The following SPTBN2 variants were observed in gnomAD, a reference collection of about 807,000 sequenced individuals.
SPTBN2 encodes spectrin beta chain, non-erythrocytic 2.
A neutral mutation model predicts 284.2 loss-of-function variants in SPTBN2; 107 were observed. The observed-to-expected ratio is 0.38, with a 90% CI of 0.32 to 0.44. The LOEUF is 0.44. SPTBN2 is among the 20% of genes least tolerant of loss of function. The pLI is 1.00. For synonymous variants in SPTBN2, 1,289 were observed against 1,354.8 expected (o/e 0.95, Z 1.07); for missense variants, 2,569 against 3,287.1 (o/e 0.78, Z 5.34).
chr11:66,715,405 G>T lies in SPTBN2; in HGVS notation c.310-10C>A, dbSNP rs1942090230. 2 of 1,607,108 alleles carry T rather than the reference G, an allele frequency of 1.2e-6. No individual in the cohort carries two copies. Among genetic ancestry groups the T allele is most frequent in the Non-Finnish European group, 1.7e-6 (2 of 1,174,684 alleles). On this transcript the variant is annotated splice_polypyrimidine_tract_variant and intron_variant, in intron 4 of 37. Transcript: ENST00000533211. The surrounding 1 kb of genome is among the most constrained non-coding windows in gnomAD (Gnocchi z 5.3). ...CCTTTGTAGGCTTTGGCTGTGGAGG[G>T]ACGGGGGCAAAATGGCACGGGACTG...
In SPTBN2 at chr11:66,718,522, G is replaced by GC. The variant is rs1042267959; in HGVS notation, c.158-2542dup. 4.6e-5 allele frequency among the ~76,000 whole-genome samples: 7 copies of GC among 152,202 alleles called. No individual in the cohort carries two copies. Among genetic ancestry groups the GC allele is most frequent in the African/African-American group, 1.4e-4 (6 of 41,448 alleles). On this transcript the variant is annotated intron_variant, in intron 3 of 37. Transcript: ENST00000533211. This position sits in a 1 kb window ranked among gnomAD's most constrained non-coding sequence, Gnocchi z 4.8. ...TGAAAGCAGCTGGTGAAAGCAGGAGGCCCCCGGGGTTGTGGGCCCCTTCCA... is the reference window on the plus strand; with the variant it reads ...TGAAAGCAGCTGGTGAAAGCAGGAGGCCCCCCGGGGTTGTGGGCCCCTTCCA...
At chr11:66,699,646 G>C in intron 17 of SPTBN2, 38 bp from the exon 18 acceptor site, 4 of 1,609,264 alleles carry the variant, frequency 2.5e-6, no homozygotes, top group Non-Finnish European at 3.4e-6. Flanking sequence ...ATTTTCCCCA[G>C]CACAATTCAC....
At chr11:66,744,257 A>G (rs747628166) in intron 1 of SPTBN2, among the ~76,000 whole-genome samples, 1 of 152,226 alleles carries the variant, frequency 6.6e-6, no homozygotes. Flanking sequence ...TTCGCTGTCT[A>G]TATGAAATTC....
rs1442312358 is a variant in SPTBN2 at position 66,691,741 on chromosome 11, A to G, written c.5191-83T>C. 6.3e-7 allele frequency: 1 copy of G among 1,596,728 alleles called. No homozygotes were observed. Among genetic ancestry groups the G allele is most frequent in the Non-Finnish European group, 8.5e-7 (1 of 1,174,234 alleles). On this transcript the variant is annotated intron_variant, in intron 26 of 37. Coordinates refer to ENST00000533211, the MANE Select transcript of SPTBN2 (RefSeq NM_006946.4). This position sits in a 1 kb window ranked among gnomAD's most constrained non-coding sequence, Gnocchi z 8.0. Reference sequence around the variant, plus strand: ...CCTGATGGAGCGAGTCCTCCACTCCAAACTCAGAACCCACCTCTCCCCGCT... The same window carrying G: ...CCTGATGGAGCGAGTCCTCCACTCCGAACTCAGAACCCACCTCTCCCCGCT...
intron 21 of SPTBN2, among the ~76,000 whole-genome samples, chr11:66,695,926 G>A (rs756245770): frequency 4.6e-5 from 7 of 151,962 alleles, no homozygotes; most frequent in Non-Finnish European, 2.9e-5. Context: ...TAGTAGAGAC[G>A]GGGTTTCACC....
At chr11:66,723,296 T>G (rs1039914281) in intron 1 of SPTBN2, among the ~76,000 whole-genome samples, 12 of 152,152 alleles carry the variant, frequency 7.9e-5, no homozygotes, top group Non-Finnish European at 1.8e-4. Context: ...GTCTGTAACT[T>G]TAACAAAACC....
Position 66,685,924 on chromosome 11 carries a change from C to T in SPTBN2, c.7120G>A (p.Gly2374Ser), listed in dbSNP as rs866945292. The change falls in exon 38 of 38, where the codon GGC (glycine) becomes AGC (serine). Residue 2374 changes from glycine to serine, a missense_variant. Physicochemically the swap from Gly to Ser is moderately conservative, Grantham distance 56. Around this residue, in one of 6 missense-constraint regions of SPTBN2, gnomAD observed 1,130 missense variants for 1,317.3 expected, o/e 0.86. Coordinates refer to ENST00000533211, the MANE Select transcript of SPTBN2 (RefSeq NM_006946.4). The surrounding 1 kb of genome is among the most constrained non-coding windows in gnomAD (Gnocchi z 4.4). ...CGTTTTTCTCGCTCTCGTTCTCTGC[C>T]GTCTTTGCTGCGGAGCACAACAGGC... ...EGPVVLRSKD[G>S]REREREKRFS... The T allele has an allele frequency of 8.7e-6, 14 of 1,613,838 alleles. No homozygotes were observed. Among genetic ancestry groups the T allele is most frequent in the African/African-American group, 6.7e-5 (5 of 74,922 alleles).
In SPTBN2 at chr11:66,685,671, G is replaced by A; in HGVS notation, c.*200C>T. Reference sequence around the variant, plus strand: ...GGGGGTTACCTGGGTCCCACCACCAGTCTGGAATTAAACAGCAGAAGAGAA... The same window carrying A: ...GGGGGTTACCTGGGTCCCACCACCAATCTGGAATTAAACAGCAGAAGAGAA... On this transcript the variant is annotated 3_prime_UTR_variant, in exon 38 of 38. Transcript: ENST00000533211. The surrounding 1 kb of genome is among the most constrained non-coding windows in gnomAD (Gnocchi z 4.4). The A allele has an allele frequency of 5.0e-6, 3 of 604,968 alleles. No homozygotes were observed. In the South Asian group the frequency reaches 5.6e-5, roughly 11 times the overall value. 37.5% of individuals were successfully genotyped at this position (604,968 alleles called of 1,614,324 possible).
intron 31 of SPTBN2, 152 bp from the exon 32 acceptor site, chr11:66,688,463 G>A (rs1236522192): frequency 3.3e-6 from 5 of 1,517,712 alleles, no homozygotes; most frequent in Admixed American, 2.0e-5. Context: ...AAACAAAGCG[G>A]GAGAAGGTGT....
At position 66,693,033 on chromosome 11, in the gene SPTBN2, G is replaced by A. The variant is rs376009552; in HGVS notation, c.4922C>T (p.Ala1641Val). 1.1e-5 allele frequency: 17 copies of A among 1,612,982 alleles called. No individual in the cohort carries two copies. Among genetic ancestry groups the A allele is most frequent in the African/African-American group, 2.7e-5 (2 of 74,934 alleles). Residue 1641 changes from alanine (A) to valine (V), a missense_variant, in exon 25 of 38, where the codon GCG becomes GTG. Physicochemically the swap from Ala to Val is moderately conservative, Grantham distance 64. This residue lies in a region of SPTBN2 where 1,130 missense variants were observed against 1,317.3 expected (regional missense o/e 0.86). Transcript: ENST00000533211. The surrounding 1 kb of genome is among the most constrained non-coding windows in gnomAD (Gnocchi z 5.7). ...GGCCGCCAGCTGGTGGATGGTCTGC[G>A]CGTAGTCGGCCAGGGCTTGCTCCAG... is the stretch of plus-strand genomic sequence containing the variant. ...QVLEQALADY[A>V]QTIHQLAASS... is the part of the protein sequence containing the mutation.
chr11:66,694,224 A>G lies in SPTBN2; in HGVS notation c.4418T>C (p.Leu1473Ser), dbSNP rs146137419. The change falls in exon 22 of 38, where the codon TTG (leucine) becomes TCG (serine). Residue 1473 changes from leucine to serine, a missense_variant. By Grantham distance (145) the Leu-to-Ser change is moderately radical (BLOSUM62 -2). This residue lies in a region of SPTBN2 where 1,130 missense variants were observed against 1,317.3 expected (regional missense o/e 0.86). Coordinates refer to ENST00000533211, the MANE Select transcript of SPTBN2 (RefSeq NM_006946.4). Reference protein sequence around the residue: ...SRAVEEKFRALCQPMRERCRR... With the variant: ...SRAVEEKFRASCQPMRERCRR... The stretch of plus-strand genomic sequence containing the variant: ...GCAGCGTTCCCGCATGGGCTGGCAC[A>G]AGGCCCTGAACTTCTCCTCCACGGC... 4.9e-5 allele frequency: 79 copies of G among 1,614,100 alleles called. No homozygotes were observed. In the African/African-American group the frequency reaches 9.7e-4, roughly 20 times the overall value.
chr11:66,699,588 C>A lies in SPTBN2; in HGVS notation c.3594G>T (p.Thr1198=), dbSNP rs1488803444. 1 of 1,614,108 alleles carries A rather than the reference C, an allele frequency of 6.2e-7. No homozygotes were observed. The highest frequency in any genetic ancestry group is 1.7e-5 in the Admixed American group (1 of 60,022). The change falls in exon 18 of 38, where the codon ACG becomes ACT. Residue 1198 remains threonine, a synonymous_variant. Transcript: ENST00000533211. ...LSSQEYVLSH[T]EMPGTLQAAD... Reference sequence around the variant, plus strand: ...CAGCCTGGAGTGTCCCTGGCATCTCCGTGTGAGACAGAACATATTCCTGTG... The same window carrying A: ...CAGCCTGGAGTGTCCCTGGCATCTCAGTGTGAGACAGAACATATTCCTGTG...
In SPTBN2 at chr11:66,704,934, G is replaced by T; in HGVS notation, c.2342C>A (p.Ser781Tyr). The change falls in exon 15 of 38, where the codon TCC (serine) becomes TAC (tyrosine). Residue 781 changes from serine (S) to tyrosine (Y), a missense_variant. Physicochemically the swap from Ser to Tyr is moderately radical, Grantham distance 144. Coordinates refer to ENST00000533211, the MANE Select transcript of SPTBN2 (RefSeq NM_006946.4). ...ATGCTGCCTGGCTAGAGCCTGCGTG[G>T]AGAACTCGTCGTGCCCCAGCTCGGG... Reference protein sequence around the residue: ...SSPELGHDEFSTQALARQHRA... With the variant: ...SSPELGHDEFYTQALARQHRA... 6.2e-7 allele frequency: 1 copy of T among 1,611,244 alleles called. No individual in the cohort carries two copies.
intron 25 of SPTBN2, 49 bp from the exon 26 acceptor site, chr11:66,692,789 G>A (rs1459430000): frequency 6.3e-7 from 1 of 1,598,734 alleles, no homozygotes; most frequent in Admixed American, 1.7e-5. Context: ...GTGTAGCTCT[G>A]ACCTCCGGTC....
chr11:66,716,259 G>A (rs1325765606), intron 3 of SPTBN2, among the ~76,000 whole-genome samples: 5 of 152,134 alleles, frequency 3.3e-5, no homozygotes, highest in African/African-American at 4.8e-5. Context: ...CAAGGCGGGC[G>A]GATCACAAGG....
Position 66,688,292 on chromosome 11 carries a change from T to G in SPTBN2, c.6251A>C (p.Glu2084Ala). 6.2e-7 allele frequency: 1 copy of G among 1,603,440 alleles called. No homozygotes were observed. The highest frequency in any genetic ancestry group is 8.5e-7 in the Non-Finnish European group (1 of 1,175,002). The part of the protein sequence containing the change: ...KLTALEEREK[E>A]RKRKREEEER... ...CTCCTCCTCCCTCTTTCTCTTTCGC[T>G]CCTTCTCCCGCTCCTCTAGCTGTCA... Residue 2084 changes from glutamate (E) to alanine (A), a missense_variant, in exon 32 of 38, where the codon GAG becomes GCG. Glu to Ala is a moderately radical substitution (Grantham distance 107). Coordinates refer to ENST00000533211, the MANE Select transcript of SPTBN2 (RefSeq NM_006946.4).
At chr11:66,690,008 C>A in intron 28 of SPTBN2, 31 bp downstream of exon 28, 2 of 1,614,218 alleles carry the variant, frequency 1.2e-6, no homozygotes, top group Non-Finnish European at 1.7e-6. Context: ...GCCACACAAC[C>A]CGTGGAGGCC....
rs1270396814 is a variant in SPTBN2 at position 66,710,466 on chromosome 11, GA to G, written c.1073+115del. ...TGTTGTTTGGATGCTTCTGGTGTGG[GA>G]AATCTCCACTGCATTTATGTACTGC... On this transcript the variant is annotated intron_variant, in intron 10 of 37. Transcript: ENST00000533211. The surrounding 1 kb of genome is among the most constrained non-coding windows in gnomAD (Gnocchi z 4.9). The G allele has an allele frequency of 2.9e-6, 3 of 1,031,786 alleles. No homozygotes were observed. The East Asian group carries it at 7.8e-5, about 27-fold the overall frequency. The allele number at this position is 1,031,786 out of a possible 1,614,324, so 63.9% of individuals were successfully genotyped here.
chr11:66,700,725 C>A lies in SPTBN2; in HGVS notation c.3374G>T (p.Arg1125Leu). The A allele has an allele frequency of 6.2e-7, 1 of 1,603,838 alleles. No homozygotes were observed. Residue 1125 changes from arginine to leucine, a missense_variant, in exon 17 of 38, where the codon CGA becomes CTA. Physicochemically the swap from Arg to Leu is moderately radical, Grantham distance 102 (BLOSUM62 -2). This residue lies in a region of SPTBN2 where 1,012 missense variants were observed against 1,248.9 expected (regional missense o/e 0.81). Transcript: ENST00000533211. The surrounding 1 kb of genome is among the most constrained non-coding windows in gnomAD (Gnocchi z 6.6). ...ERAQSEYSRL[R>L]ALGEEVTRDQ... ...CCGGGTCACCTCCTCGCCCAGGGCT[C>A]GCAGCCGGCTATACTCGCTCTGGGC...
Sources: gnomAD v4.1 joint callset for allele counts (sites outside exome capture counted in the v4.1 genomes callset) on GRCh38, gnomAD v4.1.1 for gene constraint, gnomAD v4.1.1 regional missense constraint, Gnocchi (gnomAD v3.1) non-coding constraint, MANE v1.5 for transcripts, NCBI Gene and HGNC (gene_info 2026-07-23, HGNC 2026-07-21) for gene names.